PDE10A: variants seen among roughly 807,000 people sequenced by gnomAD.
PDE10A encodes the protein cAMP and cAMP-inhibited cGMP 3',5'-cyclic phosphodiesterase 10A.
PDE10A carries 39 observed loss-of-function variants against 97.7 expected under a neutral mutation model. The observed-to-expected ratio is 0.40, with a 90% CI of 0.31 to 0.52. The LOEUF is 0.52. Ranked by LOEUF, PDE10A falls within the 20% of genes least tolerant of loss-of-function variation. The pLI, the probability that PDE10A is intolerant of heterozygous loss-of-function variation, is 0.56. For missense variants in PDE10A, 731 were observed against 1,047.8 expected (o/e 0.70, Z 4.17); for synonymous variants, 371 against 376.8 (o/e 0.98, Z 0.18).
At chr6:165,490,178 G>A (rs137909286) in intron 2 of PDE10A, among the ~76,000 whole-genome samples, 9 of 152,300 alleles carry the variant, frequency 5.9e-5, no homozygotes, top group East Asian at 3.9e-4. Context: ...GGAAAGAATC[G>A]TAAGAGCTGT....
At chr6:165,345,972 A>T (rs984680386) in intron 18 of PDE10A, among the ~76,000 whole-genome samples, 1 of 152,232 alleles carries the variant, frequency 6.6e-6, no homozygotes, top group Non-Finnish European at 1.5e-5. Context: ...TGTGGAAACA[A>T]GCAAGGCAGG....
At chr6:165,847,768 T>C (rs1780460614) in intron 1 of PDE10A, among the ~76,000 whole-genome samples, 1 of 152,268 alleles carries the variant, frequency 6.6e-6, no homozygotes, top group Admixed American at 6.5e-5. Flanking sequence ...ACTAAATGAT[T>C]TGTGTAGTTC....
intron 1 of PDE10A, among the ~76,000 whole-genome samples, chr6:165,681,886 G>T (rs1056057908): frequency 6.6e-6 from 1 of 152,148 alleles, no homozygotes; most frequent in Non-Finnish European, 1.5e-5. Context: ...TGGTGGTAGG[G>T]CCATTTGTAT....
At chr6:165,636,847 C>G (rs1042919190) in intron 1 of PDE10A, among the ~76,000 whole-genome samples, 1 of 152,118 alleles carries the variant, frequency 6.6e-6, no homozygotes, top group Admixed American at 6.5e-5. Context: ...CCCCTCACCT[C>G]GGAAGGGCAA....
intron 1 of PDE10A, among the ~76,000 whole-genome samples, chr6:165,852,903 G>A (rs374859073): frequency 3.4e-4 from 52 of 152,362 alleles, no homozygotes; most frequent in East Asian, 1.3e-3. Context: ...AGGAACAGAC[G>A]TGGTAACGCA....
Position 165,711,732 on chromosome 6 carries a change from C to G in PDE10A, c.-614-168164G>C, listed in dbSNP as rs570308980. On this transcript the variant is annotated intron_variant, in intron 1 of 19. Coordinates refer to the PDE10A transcript ENST00000366882. This position sits in a 1 kb window ranked among gnomAD's most constrained non-coding sequence, Gnocchi z 4.5. ...TCAGGCACAAGCCTGTTCAGAACAACCCAGGAACTGTGCTAATTCACTCGT... is the reference window on the plus strand; with the variant it reads ...TCAGGCACAAGCCTGTTCAGAACAAGCCAGGAACTGTGCTAATTCACTCGT... Among the ~76,000 whole-genome samples, 1 of 152,326 alleles carries G rather than the reference C, an allele frequency of 6.6e-6. No homozygotes were observed. Among genetic ancestry groups the G allele is most frequent in the East Asian group, 1.9e-4 (1 of 5,174 alleles).
Position 165,865,797 on chromosome 6 carries a change from T to A in PDE10A, c.-615+121732A>T, listed in dbSNP as rs559492219. ...ATGTGCTATATGGGACACCATAAAGTAATCAAATATTTGAATTTTGGGAGT... is the reference window on the plus strand; with the variant it reads ...ATGTGCTATATGGGACACCATAAAGAAATCAAATATTTGAATTTTGGGAGT... On this transcript the variant is annotated intron_variant, in intron 1 of 19. Transcript: ENST00000366882. 1.1e-4 allele frequency among the ~76,000 whole-genome samples: 16 copies of A among 152,166 alleles called. No homozygotes were observed. In the South Asian group the frequency reaches 3.3e-3, roughly 32 times the overall value.
chr6:165,677,309 G>T (rs1035888314), intron 1 of PDE10A, among the ~76,000 whole-genome samples: 2 of 152,108 alleles, frequency 1.3e-5, no homozygotes, highest in Non-Finnish European at 2.9e-5. Context: ...CTCTTCCCTG[G>T]GCCTCCAGCC....
intron 1 of PDE10A, among the ~76,000 whole-genome samples, chr6:165,961,255 A>G (rs1352877363): frequency 2.0e-5 from 3 of 152,226 alleles, no homozygotes; most frequent in South Asian, 2.1e-4. Context: ...GGATGTCACT[A>G]CATAGCATGA....
intron 1 of PDE10A, among the ~76,000 whole-genome samples, chr6:165,881,982 T>G (rs1781493236): frequency 6.6e-6 from 1 of 152,234 alleles, no homozygotes; most frequent in African/African-American, 2.4e-5. Flanking sequence ...ATCTGCTGCC[T>G]GAGGACATTA....
chr6:165,466,753 A>G (rs1248128403), intron 3 of PDE10A, among the ~76,000 whole-genome samples: 1 of 152,180 alleles, frequency 6.6e-6, no homozygotes, highest in African/African-American at 2.4e-5. Context: ...AACAATGTTG[A>G]AATTAGACAA....
intron 3 of PDE10A, among the ~76,000 whole-genome samples, chr6:165,450,630 A>G (rs1288153081): frequency 6.6e-6 from 1 of 151,994 alleles, no homozygotes; most frequent in Non-Finnish European, 1.5e-5. Flanking sequence ...GCACTATCTC[A>G]GCTCACTGCA....
chr6:165,933,529 A>G (rs1783213118), intron 1 of PDE10A, among the ~76,000 whole-genome samples: 1 of 152,194 alleles, frequency 6.6e-6, no homozygotes. Flanking sequence ...TTAAAAAAGC[A>G]TTGCTTCTCA....
intron 2 of PDE10A, among the ~76,000 whole-genome samples, chr6:165,513,077 T>G (rs1781590951): frequency 6.6e-6 from 1 of 152,044 alleles, no homozygotes; most frequent in Non-Finnish European, 1.5e-5. Flanking sequence ...ATTTACTGTT[T>G]TTTTAAAATT....
At chr6:165,643,126 T>C (rs924176457) in intron 1 of PDE10A, among the ~76,000 whole-genome samples, 1 of 152,168 alleles carries the variant, frequency 6.6e-6, no homozygotes, top group Non-Finnish European at 1.5e-5. Flanking sequence ...TGTAACAATT[T>C]CTCATTTCTG....
chr6:165,802,814 T>C (rs1290492267), intron 1 of PDE10A, among the ~76,000 whole-genome samples: 2 of 152,238 alleles, frequency 1.3e-5, no homozygotes, highest in Non-Finnish European at 1.5e-5. Flanking sequence ...CAACTGGACC[T>C]ATTTGCCTCA....
chr6:165,953,199 A>C (rs972736429), intron 1 of PDE10A, among the ~76,000 whole-genome samples: 1 of 152,040 alleles, frequency 6.6e-6, no homozygotes, highest in Non-Finnish European at 1.5e-5. Flanking sequence ...CTCCATTCCT[A>C]CCCCTTCCAA....
At chr6:165,879,767 A>G (rs892992234) in intron 1 of PDE10A, among the ~76,000 whole-genome samples, 7 of 152,186 alleles carry the variant, frequency 4.6e-5, no homozygotes, top group Admixed American at 6.5e-5. Flanking sequence ...TTACCGTTTT[A>G]TTTATATGAT....
intron 21 of PDE10A, among the ~76,000 whole-genome samples, chr6:165,334,213 C>G (rs1386637433): frequency 6.6e-6 from 1 of 152,354 alleles, no homozygotes; most frequent in African/African-American, 2.4e-5. Context: ...AGGAATGAGG[C>G]AGAGCTGCCC....
Sources: allele counts gnomAD v4.1 joint callset (sites outside exome capture counted in the v4.1 genomes callset), GRCh38; gene constraint gnomAD v4.1.1; non-coding constraint Gnocchi (gnomAD v3.1); transcripts MANE v1.5; gene names NCBI Gene and HGNC (gene_info 2026-07-23, HGNC 2026-07-21).